TMEM108: variants seen among roughly 807,000 people sequenced by gnomAD.
TMEM108 encodes cancer/testis antigen 124.
TMEM108 carries 12 observed loss-of-function variants against 35.1 expected under a neutral mutation model. The ratio of observed to expected loss-of-function variants is 0.34; its 90% confidence interval spans 0.22 to 0.55. The LOEUF (loss-of-function observed/expected upper bound fraction) is 0.55, where lower values mean the gene tolerates loss of function less well. TMEM108 is among the 20% of genes least tolerant of loss of function. TMEM108 has a pLI of 0.89. For synonymous variants in TMEM108, 287 were observed against 308.6 expected, an observed-to-expected ratio of 0.93 and a Z score of 0.73; for missense variants, 680 against 753.3, an observed-to-expected ratio of 0.90 and a Z score of 1.14.
At chr3:133,109,888 T>C (rs939559460) in intron 2 of TMEM108, among the ~76,000 whole-genome samples, 5 of 152,154 alleles carry the variant, frequency 3.3e-5, no homozygotes, top group African/African-American at 9.7e-5. Flanking sequence ...TGACCTTAGT[T>C]TTGGTGCAAC....
At chr3:133,326,929 C>T (rs755391176) in intron 3 of TMEM108, among the ~76,000 whole-genome samples, 1 of 152,344 alleles carries the variant, frequency 6.6e-6, no homozygotes, top group African/African-American at 2.4e-5. Flanking sequence ...TATTTTCCCA[C>T]CTCCGTTAGG....
At chr3:133,186,781 A>G (rs561004476) in intron 2 of TMEM108, among the ~76,000 whole-genome samples, 1 of 152,308 alleles carries the variant, frequency 6.6e-6, no homozygotes, top group East Asian at 1.9e-4. Context: ...TGCTTTGAGG[A>G]TATGATATTT....
intron 3 of TMEM108, among the ~76,000 whole-genome samples, chr3:133,326,113 C>T (rs1344817465): frequency 2.0e-5 from 3 of 152,000 alleles, no homozygotes; most frequent in African/African-American, 7.2e-5. Flanking sequence ...AAAAGTAAAA[C>T]AAAAAAACAC....
At chr3:133,280,229 C>T (rs1946894159) in intron 3 of TMEM108, among the ~76,000 whole-genome samples, 1 of 152,168 alleles carries the variant, frequency 6.6e-6, no homozygotes, top group African/African-American at 2.4e-5. Context: ...GGAAAGTCAA[C>T]ATGTAGGAAA....
intron 2 of TMEM108, among the ~76,000 whole-genome samples, chr3:133,081,796 A>T (rs1186994225): frequency 6.6e-6 from 1 of 152,202 alleles, no homozygotes; most frequent in East Asian, 1.9e-4. Context: ...TTAGACTGCA[A>T]TACCAAGTGA....
intron 3 of TMEM108, among the ~76,000 whole-genome samples, chr3:133,233,637 C>G (rs1020112336): frequency 7.8e-6 from 1 of 128,834 alleles, no homozygotes; most frequent in Non-Finnish European, 1.8e-5. Flanking sequence ...AATGGTTGAA[C>G]TAGTTTACAG....
intron 2 of TMEM108, among the ~76,000 whole-genome samples, chr3:133,159,497 A>G (rs958452924): frequency 6.6e-6 from 1 of 152,000 alleles, no homozygotes; most frequent in East Asian, 1.9e-4. Flanking sequence ...CACCTTACTC[A>G]GTGTCTTTCT....
chr3:133,224,307 C>T (rs537444682), intron 2 of TMEM108, among the ~76,000 whole-genome samples: 2 of 152,256 alleles, frequency 1.3e-5, no homozygotes, highest in East Asian at 1.9e-4. Context: ...GGTCTCTTCT[C>T]TTTCATTGCC....
chr3:133,284,189 A>G (rs1338291093), intron 3 of TMEM108, among the ~76,000 whole-genome samples: 2 of 152,182 alleles, frequency 1.3e-5, no homozygotes, highest in Non-Finnish European at 2.9e-5. Context: ...AAGAGGCAGC[A>G]TATATCCCCC....
At chr3:133,394,115 G>T (rs1427713005) in intron 5 of TMEM108, among the ~76,000 whole-genome samples, 2 of 152,214 alleles carry the variant, frequency 1.3e-5, no homozygotes, top group Non-Finnish European at 2.9e-5. Flanking sequence ...AATGCAGGCA[G>T]CCTAGGGCCA....
At chr3:133,157,644 G>C (rs940729535) in intron 2 of TMEM108, among the ~76,000 whole-genome samples, 1 of 152,168 alleles carries the variant, frequency 6.6e-6, no homozygotes, top group East Asian at 1.9e-4. Context: ...TTCTGCTTAA[G>C]AGTACTTTTA....
chr3:133,172,033 T>G (rs756832872), intron 2 of TMEM108, among the ~76,000 whole-genome samples: 1 of 152,220 alleles, frequency 6.6e-6, no homozygotes, highest in Non-Finnish European at 1.5e-5. Context: ...CTTTACATAC[T>G]TTGATGATAA....
At chr3:133,203,905 G>A (rs1422636236) in intron 2 of TMEM108, among the ~76,000 whole-genome samples, 2 of 152,158 alleles carry the variant, frequency 1.3e-5, no homozygotes, top group African/African-American at 4.8e-5. Context: ...GTAAAATTCA[G>A]CTGTGACTCC....
chr3:133,373,081 C>T (rs1299962592), intron 3 of TMEM108, among the ~76,000 whole-genome samples: 4 of 152,162 alleles, frequency 2.6e-5, no homozygotes, highest in African/African-American at 9.7e-5. Context: ...AGAAAAAGAA[C>T]ACTGGCCAGG....
intron 2 of TMEM108, among the ~76,000 whole-genome samples, chr3:133,151,300 T>C (rs1218348547): frequency 6.6e-6 from 1 of 152,136 alleles, no homozygotes; most frequent in Non-Finnish European, 1.5e-5. Flanking sequence ...CTAACCCAGT[T>C]TATGGCACCA....
intron 3 of TMEM108, among the ~76,000 whole-genome samples, chr3:133,287,850 T>C (rs1947006876): frequency 6.6e-6 from 1 of 152,170 alleles, no homozygotes; most frequent in African/African-American, 2.4e-5. Flanking sequence ...ACACAGATAA[T>C]CACTTAGGTT....
intron 2 of TMEM108, among the ~76,000 whole-genome samples, chr3:133,048,423 A>G (rs1176064826): frequency 1.3e-5 from 2 of 152,212 alleles, no homozygotes; most frequent in East Asian, 1.9e-4. Flanking sequence ...ATAAATGTAA[A>G]TGTTTTAATA....
rs1432836008 is a variant in TMEM108, at chr3:133,346,927, CT to C, written c.41-32822del. 3.9e-5 allele frequency among the ~76,000 whole-genome samples: 6 copies of C among 152,180 alleles called. No homozygotes were observed. Among genetic ancestry groups the C allele is most frequent in the African/African-American group, 1.4e-4 (6 of 41,556 alleles). ...TTTCTCCATTGAATTGCCTTAGCTC[CT>C]TTGTCAAAGATCAGTTGACTTTATT... On this transcript the variant is annotated intron_variant, in intron 3 of 5. Transcript: ENST00000321871. The surrounding 1 kb of genome is among the most constrained non-coding windows in gnomAD (Gnocchi z 4.0).
intron 2 of TMEM108, among the ~76,000 whole-genome samples, chr3:133,207,204 C>T (rs1945770033): frequency 6.6e-6 from 1 of 152,182 alleles, no homozygotes; most frequent in South Asian, 2.1e-4. Context: ...CCTCAGGATA[C>T]AGTCCCTCAA....
Sources: gnomAD v4.1 joint callset for allele counts (sites outside exome capture counted in the v4.1 genomes callset) on GRCh38, gnomAD v4.1.1 for gene constraint, Gnocchi (gnomAD v3.1) non-coding constraint, MANE v1.5 for transcripts, NCBI Gene and HGNC (gene_info 2026-07-23, HGNC 2026-07-21) for gene names.